Variants in RFX8 observed in about 807,000 individuals in gnomAD.
The protein encoded by RFX8 is DNA-binding protein RFX8.
Under a neutral mutation model 54.6 loss-of-function variants are expected in RFX8, and 46 were observed. The ratio of observed to expected loss-of-function variants is 0.84; its 90% confidence interval spans 0.67 to 1.08. The LOEUF (loss-of-function observed/expected upper bound fraction) is 1.08, where lower values mean the gene tolerates loss of function less well. Ranked by LOEUF, RFX8 falls within the 50% of genes least tolerant of loss-of-function variation. RFX8 has a pLI of 0.00. For synonymous variants in RFX8, 192 were observed against 209.5 expected (o/e 0.92, Z 0.72); for missense variants, 536 against 562.3 (o/e 0.95, Z 0.47).
At position 101,459,856 on chromosome 2, in the gene RFX8, G is replaced by A. The variant is rs187588669; in HGVS notation, c.72+6921C>T. Among the ~76,000 whole-genome samples, 119 of 152,340 alleles carry A rather than the reference G, an allele frequency of 7.8e-4. 1 individual carries two copies. Among genetic ancestry groups the A allele is most frequent in the African/African-American group, 2.6e-3 (108 of 41,582 alleles). ...TGCCCACAGAGGTGGAGTCCATAGA[G>A]GCAGTAGGGCTTGTTGCACTGCAGT... On this transcript the variant is annotated intron_variant, in intron 2 of 11. Coordinates refer to ENST00000428343, the MANE Select transcript of RFX8 (RefSeq NM_001145664.2).
chr2:101,411,850 C>T (rs1573369019), intron 8 of RFX8, among the ~76,000 whole-genome samples: 1 of 152,288 alleles, frequency 6.6e-6, no homozygotes, highest in East Asian at 1.9e-4. Flanking sequence ...CACAACCCTA[C>T]CAAGGCCAGC....
chr2:101,441,381 T>C (rs1688092927), intron 2 of RFX8, among the ~76,000 whole-genome samples: 1 of 152,088 alleles, frequency 6.6e-6, no homozygotes, highest in Non-Finnish European at 1.5e-5. Context: ...ATTCATGGAT[T>C]AATGGGTTAT....
intron 1 of RFX8, among the ~76,000 whole-genome samples, chr2:101,469,056 GTA>G (rs199839710): frequency 0.1 from 1,081 of 10,604 alleles, 77 homozygotes; most frequent in African/African-American, 0.24. Flanking sequence ...ATATATATAC[GTA>G]TATATATGTA....
At chr2:101,423,111 A>C (rs1686958283) in intron 2 of RFX8, among the ~76,000 whole-genome samples, 1 of 152,092 alleles carries the variant, frequency 6.6e-6, no homozygotes, top group Non-Finnish European at 1.5e-5. Context: ...TACAAAAATT[A>C]GCCGGGTGTG....
intron 2 of RFX8, among the ~76,000 whole-genome samples, chr2:101,427,309 G>C (rs1267726298): frequency 6.6e-6 from 1 of 152,128 alleles, no homozygotes; most frequent in Non-Finnish European, 1.5e-5. Context: ...CCTTATCCAA[G>C]TGGCCTCATG....
chr2:101,472,594 G>A (rs943923294), intron 1 of RFX8, among the ~76,000 whole-genome samples: 23 of 152,222 alleles, frequency 1.5e-4, no homozygotes, highest in Admixed American at 1.2e-3. Flanking sequence ...GTCTACACCA[G>A]GGGTGTCCAA....
At chr2:101,436,486 G>A (rs1029144201) in intron 2 of RFX8, among the ~76,000 whole-genome samples, 2 of 152,146 alleles carry the variant, frequency 1.3e-5, no homozygotes, top group Non-Finnish European at 2.9e-5. Context: ...CTAGCAAGGC[G>A]TGCTCTTTTT....
chr2:101,447,534 T>A (rs1688457183), intron 2 of RFX8, among the ~76,000 whole-genome samples: 1 of 152,226 alleles, frequency 6.6e-6, no homozygotes, highest in Non-Finnish European at 1.5e-5. Flanking sequence ...ATGGGGTACA[T>A]GTGATATTGT....
intron 11 of RFX8, among the ~76,000 whole-genome samples, chr2:101,398,262 G>C (rs1203463060): frequency 6.6e-6 from 1 of 152,206 alleles, no homozygotes; most frequent in African/African-American, 2.4e-5. Flanking sequence ...CAGGGGCGGG[G>C]AGCTGATGGG....
At chr2:101,463,009 A>G (rs1336753555) in intron 2 of RFX8, among the ~76,000 whole-genome samples, 2 of 152,202 alleles carry the variant, frequency 1.3e-5, no homozygotes, top group Non-Finnish European at 2.9e-5. Context: ...ACAAAAATCA[A>G]ATCAGGAAGA....
At chr2:101,466,735 TGCACTCAGTGA>T in intron 2 of RFX8, 31 bp downstream of exon 2, 1 of 1,369,102 alleles carries the variant, frequency 7.3e-7, no homozygotes, top group Non-Finnish European at 1.0e-6. Context: ...TTCCCTTTTT[TGCACTCAGTGA>T]ATAGAGCGTT....
intron 2 of RFX8, chr2:101,450,557 G>T: frequency 1.9e-6 from 2 of 1,030,418 alleles, no homozygotes; most frequent in Non-Finnish European, 2.9e-6. Context: ...CCAGGCTTGT[G>T]ACCCAAGACC....
intron 5 of RFX8, 21 bp downstream of exon 5, chr2:101,418,830 G>T: frequency 6.9e-7 from 1 of 1,448,036 alleles, no homozygotes; most frequent in Non-Finnish European, 9.5e-7. Context: ...ATATACTCTA[G>T]AGACTCACGC....
At chr2:101,414,162 C>T (rs959215225) in intron 7 of RFX8, among the ~76,000 whole-genome samples, 3 of 152,240 alleles carry the variant, frequency 2.0e-5, no homozygotes, top group Admixed American at 6.5e-5. Context: ...GCCCCACACA[C>T]GGGTGAAGGG....
chr2:101,452,279 G>A (rs1001082972), intron 2 of RFX8: 22 of 606,534 alleles, frequency 3.6e-5, no homozygotes, highest in African/African-American at 3.5e-4. Flanking sequence ...TTTGGTAAGA[G>A]TTGTTATTTA....
At chr2:101,474,410 G>A (rs138721339) in intron 1 of RFX8, 4,775 of 380,408 alleles carry the variant, frequency 0.013, 61 homozygotes, top group Middle Eastern at 0.021. Context: ...CGCGCGGGGC[G>A]CGGGGCGGGA....
intron 2 of RFX8, among the ~76,000 whole-genome samples, chr2:101,431,163 A>G (rs1007632851): frequency 1.3e-5 from 2 of 151,656 alleles, no homozygotes; most frequent in African/African-American, 2.4e-5. Context: ...TCATCAATCC[A>G]TCTCTCATTC....
chr2:101,438,267 T>A (rs1246778492), intron 2 of RFX8, among the ~76,000 whole-genome samples: 1 of 152,216 alleles, frequency 6.6e-6, no homozygotes, highest in East Asian at 1.9e-4. Context: ...CTAGTGAATA[T>A]TAGATCTTAT....
chr2:101,460,537 T>C (rs1020788509), intron 2 of RFX8, among the ~76,000 whole-genome samples: 1 of 152,094 alleles, frequency 6.6e-6, no homozygotes, highest in Non-Finnish European at 1.5e-5. Flanking sequence ...AGTTTCCGAA[T>C]CAGCGAGGTT....
Sources: allele counts gnomAD v4.1 joint callset (sites outside exome capture counted in the v4.1 genomes callset), GRCh38; gene constraint gnomAD v4.1.1; transcripts MANE v1.5; gene names NCBI Gene and HGNC (gene_info 2026-07-23, HGNC 2026-07-21).